Variants in MDGA2 observed in about 807,000 individuals in gnomAD.
The protein encoded by MDGA2 is MAM domain-containing glycosylphosphatidylinositol anchor protein 2.
Under a neutral mutation model 117.8 loss-of-function variants are expected in MDGA2, and 40 were observed. That is an observed-to-expected ratio of 0.34 (90% confidence interval 0.26 to 0.44). The LOEUF is 0.44. Among genes scored for constraint, MDGA2 ranks in the 20% least tolerant of loss-of-function variants. MDGA2 has a pLI of 1.00. For missense variants in MDGA2, 1,123 were observed against 1,250.6 expected (o/e 0.90, Z 1.54); for synonymous variants, 452 against 439.0 (o/e 1.03, Z -0.37).
intron 9 of MDGA2, among the ~76,000 whole-genome samples, chr14:46,953,719 A>G (rs1885453777): frequency 6.6e-6 from 1 of 152,104 alleles, no homozygotes; most frequent in Non-Finnish European, 1.5e-5. Flanking sequence ...GTTAAAGTAA[A>G]GAAATATGAA....
At chr14:47,602,637 G>A (rs947969133) in intron 1 of MDGA2, among the ~76,000 whole-genome samples, 1 of 152,124 alleles carries the variant, frequency 6.6e-6, no homozygotes, top group East Asian at 1.9e-4. Context: ...CCCCCTTGGA[G>A]GATAAAAGTG....
chr14:46,985,581 A>G (rs1192209349), intron 8 of MDGA2, among the ~76,000 whole-genome samples: 2 of 152,080 alleles, frequency 1.3e-5, no homozygotes, highest in Non-Finnish European at 2.9e-5. Context: ...CGTACTTAAA[A>G]AGAATCCAAA....
Position 46,956,801 on chromosome 14 carries a change from G to A in MDGA2, c.2089+573C>T, listed in dbSNP as rs184153328. On this transcript the variant is annotated intron_variant, in intron 9 of 16. Coordinates refer to ENST00000399232, the MANE Select transcript of MDGA2 (RefSeq NM_001113498.3). ...GAATTGTAATCCCCACTTCTCAGGGGAGGGCTCTAGTGGGAGGTAATTGGA... is the reference window on the plus strand; with the variant it reads ...GAATTGTAATCCCCACTTCTCAGGGAAGGGCTCTAGTGGGAGGTAATTGGA... Among the ~76,000 whole-genome samples the A allele has an allele frequency of 1.1e-3, 168 of 152,300 alleles. 2 individuals are homozygous for A. The highest frequency in any genetic ancestry group is 0.01 in the Middle Eastern group (3 of 294).
chr14:47,343,121 CA>C (rs1459612100), intron 1 of MDGA2: 2 of 1,228,254 alleles, frequency 1.6e-6, no homozygotes, highest in African/African-American at 3.1e-5. Flanking sequence ...ATGCTCGAGG[CA>C]CACAATAATG....
At chr14:47,022,826 A>C (rs1888333772) in intron 8 of MDGA2, among the ~76,000 whole-genome samples, 1 of 152,198 alleles carries the variant, frequency 6.6e-6, no homozygotes, top group Admixed American at 6.5e-5. Context: ...TGGAACATGA[A>C]ATATGATCTC....
intron 14 of MDGA2, among the ~76,000 whole-genome samples, chr14:46,867,688 T>C (rs1881830590): frequency 6.6e-6 from 1 of 152,116 alleles, no homozygotes; most frequent in African/African-American, 2.4e-5. Context: ...TCCTGTATTA[T>C]GGTTTATCAA....
chr14:47,532,912 T>G (rs1895129110), intron 1 of MDGA2, among the ~76,000 whole-genome samples: 1 of 152,228 alleles, frequency 6.6e-6, no homozygotes, highest in African/African-American at 2.4e-5. Flanking sequence ...TGGAATAGGC[T>G]GCATCTTAGG....
chr14:47,218,830 A>G (rs1012249206), intron 2 of MDGA2, among the ~76,000 whole-genome samples: 9 of 152,196 alleles, frequency 5.9e-5, no homozygotes, highest in African/African-American at 1.9e-4. Context: ...AATAATGTAA[A>G]CTTTTCAAGG....
chr14:47,460,175 A>G (rs1893452869), intron 1 of MDGA2, among the ~76,000 whole-genome samples: 1 of 152,298 alleles, frequency 6.6e-6, no homozygotes, highest in East Asian at 1.9e-4. Flanking sequence ...CTTTTTAGAT[A>G]TGCCTAATAC....
chr14:47,049,758 G>A (rs968848096), intron 7 of MDGA2, among the ~76,000 whole-genome samples: 1 of 151,906 alleles, frequency 6.6e-6, no homozygotes, highest in Non-Finnish European at 1.5e-5. Flanking sequence ...AAAGTGCAGT[G>A]GCAGTCTTCT....
intron 3 of MDGA2, among the ~76,000 whole-genome samples, chr14:47,204,308 T>C (rs1885608560): frequency 6.6e-6 from 1 of 152,034 alleles, no homozygotes; most frequent in Non-Finnish European, 1.5e-5. Flanking sequence ...AACAATTTAG[T>C]AAAATGATTT....
rs967773544 is a variant in MDGA2 at position 47,248,916 on chromosome 14, C to CCCTT, written c.421-30725_421-30722dup. On this transcript the variant is annotated intron_variant, in intron 2 of 16. Coordinates refer to ENST00000399232, the MANE Select transcript of MDGA2 (RefSeq NM_001113498.3). ...AAAAACCAAAAGTAAATTTATGTTT[C>CCCTT]CCTTCCTTCCTTCCTTCCCTCCCTT... 4.6e-5 allele frequency among the ~76,000 whole-genome samples: 7 copies of CCCTT among 151,454 alleles called. No homozygotes were observed. The Middle Eastern group carries it at 0.01, about 222-fold the overall frequency.
intron 1 of MDGA2, among the ~76,000 whole-genome samples, chr14:47,673,792 C>G (rs1422559919): frequency 6.6e-6 from 1 of 152,056 alleles, no homozygotes; most frequent in Non-Finnish European, 1.5e-5. Context: ...AAACCTAAAT[C>G]TGGGTTTTCC....
At chr14:46,985,017 T>G (rs1441452699) in intron 8 of MDGA2, among the ~76,000 whole-genome samples, 1 of 151,968 alleles carries the variant, frequency 6.6e-6, no homozygotes, top group African/African-American at 2.4e-5. Flanking sequence ...CCTTAAATCT[T>G]CAGAAGAGAA....
chr14:47,603,223 C>T (rs1377545540), intron 1 of MDGA2, among the ~76,000 whole-genome samples: 1 of 152,132 alleles, frequency 6.6e-6, no homozygotes, highest in African/African-American at 2.4e-5. Flanking sequence ...ATAAAGGAAT[C>T]CTAATTTTTC....
At chr14:47,356,996 A>T (rs1891009260) in intron 1 of MDGA2, among the ~76,000 whole-genome samples, 1 of 152,144 alleles carries the variant, frequency 6.6e-6, no homozygotes, top group African/African-American at 2.4e-5. Flanking sequence ...ATAAATCTTA[A>T]CGGAGATTTT....
intron 14 of MDGA2, among the ~76,000 whole-genome samples, chr14:46,870,657 A>G (rs765327590): frequency 6.6e-6 from 1 of 151,960 alleles, no homozygotes. Flanking sequence ...TGAAGCAAAG[A>G]AATGACATAG....
intron 5 of MDGA2, among the ~76,000 whole-genome samples, chr14:47,117,236 A>T (rs187393724): frequency 6.6e-6 from 1 of 152,286 alleles, no homozygotes; most frequent in Non-Finnish European, 1.5e-5. Context: ...CAGGATGACT[A>T]CTACTTTTAA....
At chr14:46,924,454 T>TATC (rs1167104054) in intron 9 of MDGA2, among the ~76,000 whole-genome samples, 3 of 152,094 alleles carry the variant, frequency 2.0e-5, no homozygotes, top group Non-Finnish European at 1.5e-5. Flanking sequence ...AGACCACACA[T>TATC]ATCTTGCTTT....
Sources: gnomAD v4.1 joint callset for allele counts (sites outside exome capture counted in the v4.1 genomes callset) on GRCh38, gnomAD v4.1.1 for gene constraint, MANE v1.5 for transcripts, NCBI Gene and HGNC (gene_info 2026-07-23, HGNC 2026-07-21) for gene names.